The following CDC42BPG variants were observed in gnomAD, a reference collection of about 807,000 sequenced individuals.
CDC42BPG encodes serine/threonine-protein kinase MRCK gamma.
Under a neutral mutation model 192.2 loss-of-function variants are expected in CDC42BPG, and 157 were observed. The observed-to-expected ratio is 0.82, with a 90% confidence interval of 0.72 to 0.93. The LOEUF (loss-of-function observed/expected upper bound fraction) is 0.93. Among genes scored for constraint, CDC42BPG ranks in the 40% least tolerant of loss-of-function variants. The pLI is 0.00. For missense variants in CDC42BPG, 1,992 were observed against 2,122.1 expected (o/e 0.94, Z 1.20); for synonymous variants, 981 against 918.5 (o/e 1.07, Z -1.23).
Position 64,833,905 on chromosome 11 carries a change from C to T in CDC42BPG, c.2466+20G>A. Reference sequence around the variant, plus strand: ...TCTCCCAGAACTTCTCCCCAACAAGCCCCTTGGCCTGGTCCTTACCTCTGA... The same window carrying T: ...TCTCCCAGAACTTCTCCCCAACAAGTCCCTTGGCCTGGTCCTTACCTCTGA... On this transcript the variant is annotated intron_variant, in intron 21 of 36. Transcript: ENST00000342711. The T allele has an allele frequency of 1.2e-6, 2 of 1,614,228 alleles. No homozygotes were observed. The highest frequency in any genetic ancestry group is 1.7e-6 in the Non-Finnish European group (2 of 1,180,024).
Position 64,833,212 on chromosome 11 carries a change from A to G in CDC42BPG, c.2731+19T>C. On this transcript the variant is annotated intron_variant, in intron 24 of 36. Transcript: ENST00000342711. ...ACACCTGGGACCGTGGCTGGAGCAT[A>G]GTGGGTGGGGACTCTCACCATCACA... The G allele has an allele frequency of 6.6e-7, 1 of 1,521,284 alleles. No individual in the cohort carries two copies. Among genetic ancestry groups the G allele is most frequent in the Non-Finnish European group, 8.9e-7 (1 of 1,121,252 alleles). 94.2% of individuals were successfully genotyped at this position (1,521,284 alleles called of 1,614,324 possible).
intron 9 of CDC42BPG, among the ~76,000 whole-genome samples, 180 bp from the exon 10 acceptor site, chr11:64,837,199 C>T (rs551071814): frequency 3.3e-5 from 5 of 152,342 alleles, no homozygotes; most frequent in East Asian, 1.9e-4. Flanking sequence ...GCACAGGCTC[C>T]GGGTCCAGGC....
chr11:64,829,807 C>A lies in CDC42BPG; in HGVS notation c.3631G>T (p.Gly1211Cys). 1 of 1,604,382 alleles carries A rather than the reference C, an allele frequency of 6.2e-7. No individual in the cohort carries two copies. Among genetic ancestry groups the A allele is most frequent in the Non-Finnish European group, 8.5e-7 (1 of 1,176,980 alleles). ...ATGCGGCGCTGCCAGGGCCCAGGGCCCGGGCCCAGCTGGTAGCAGAGCACC... is the reference window on the plus strand; with the variant it reads ...ATGCGGCGCTGCCAGGGCCCAGGGCACGGGCCCAGCTGGTAGCAGAGCACC... ...RQVLCYQLGPGPGPWQRRIRE... is the reference protein window; with the variant it reads ...RQVLCYQLGPCPGPWQRRIRE... Residue 1211 changes from glycine (G) to cysteine (C), a missense_variant, in exon 30 of 37, where the codon GGC (glycine) becomes TGC (cysteine). Gly to Cys is a radical substitution (Grantham distance 159). Coordinates refer to ENST00000342711, the MANE Select transcript of CDC42BPG (RefSeq NM_017525.3).
intron 9 of CDC42BPG, 45 bp downstream of exon 9, chr11:64,838,038 A>G (rs764166737): frequency 4.6e-6 from 7 of 1,511,800 alleles, no homozygotes; most frequent in Non-Finnish European, 6.3e-6. Context: ...CCTCCAGGTC[A>G]GGCAACCCCG....
rs565422619 is a variant in CDC42BPG, at chr11:64,841,181, G to A, written c.336+469C>T. The stretch of plus-strand genomic sequence containing the variant: ...AAAAAGTTTATTGTAGGCTGGGCAC[G>A]GTGGTTCACGCCTGTAATCCCAGCA... On this transcript the variant is annotated intron_variant, in intron 3 of 36. Transcript: ENST00000342711. Among the ~76,000 whole-genome samples, 219 of 151,254 alleles carry A rather than the reference G, an allele frequency of 1.4e-3. 1 individual carries two copies. Among genetic ancestry groups the A allele is most frequent in the East Asian group, 8.6e-3 (44 of 5,126 alleles).
rs1230528336 is a variant in CDC42BPG, at chr11:64,838,814, C to T, written c.965G>A (p.Arg322Gln). ...GTCATCCAGCCCACCACGGCCTAGCCGCTCTTCCTGGCGACACAGCAGCTG... is the reference window on the plus strand; with the variant it reads ...GTCATCCAGCCCACCACGGCCTAGCTGCTCTTCCTGGCGACACAGCAGCTG... ...IRQLLCRQEE[R>Q]LGRGGLDDFR... The change falls in exon 8 of 37, where the codon CGG (arginine) becomes CAG (glutamine). Residue 322 changes from arginine (R) to glutamine (Q), a missense_variant. Around this residue, in one of 2 missense-constraint regions of CDC42BPG, gnomAD observed 1,656 missense variants for 1,844.3 expected, o/e 0.90. Coordinates refer to ENST00000342711, the MANE Select transcript of CDC42BPG (RefSeq NM_017525.3). The T allele has an allele frequency of 6.8e-6, 11 of 1,612,694 alleles. No individual in the cohort carries two copies. The highest frequency in any genetic ancestry group is 4.0e-5 in the African/African-American group (3 of 74,892).
chr11:64,826,010 C>T (rs1337056034), intron 36 of CDC42BPG, among the ~76,000 whole-genome samples: 1 of 146,566 alleles, frequency 6.8e-6, no homozygotes, highest in African/African-American at 2.5e-5. Context: ...GGGGGTTGCA[C>T]TGACCGAGAT....
chr11:64,824,103 C>T lies in CDC42BPG; in HGVS notation c.*370G>A, dbSNP rs1451222699. 3.0e-6 allele frequency: 1 copy of T among 329,582 alleles called. No individual in the cohort carries two copies. Among genetic ancestry groups the T allele is most frequent in the East Asian group, 8.7e-5 (1 of 11,506 alleles). The allele number at this position is 329,582 out of a possible 1,614,324, so 20.4% of individuals were successfully genotyped here. A position where few individuals can be genotyped will look rare whatever the true frequency, so the allele number is the denominator to read the frequency against. On this transcript the variant is annotated 3_prime_UTR_variant, in exon 37 of 37. Transcript: ENST00000342711. ...TCAGACAGTCCACAGATAAGACCTC[C>T]AACCTGTTCCCAGAGACCCAGTCCC... is the stretch of plus-strand genomic sequence containing the variant.
intron 24 of CDC42BPG, 92 bp downstream of exon 24, chr11:64,833,139 G>A (rs1387993127): frequency 1.6e-6 from 2 of 1,251,584 alleles, no homozygotes; most frequent in Non-Finnish European, 2.3e-6. Context: ...ACCAGCAGGT[G>A]CCAGTGACCC....
chr11:64,827,051 G>A lies in CDC42BPG; in HGVS notation c.4388C>T (p.Pro1463Leu), dbSNP rs775608141. The change falls in exon 34 of 37, where the codon CCG (proline) becomes CTG (leucine). Residue 1463 changes from proline (P) to leucine (L), a missense_variant and splice_region_variant. Transcript: ENST00000342711. ...NGRPGARDKS[P>L]APEEKGRVAR... Reference sequence around the variant, plus strand: ...TGTGATTGGCTCCAGAGGACTAACCGGGGACTTGTCCCTGGCGCCGGGCCG... The same window carrying A: ...TGTGATTGGCTCCAGAGGACTAACCAGGGACTTGTCCCTGGCGCCGGGCCG... The A allele has an allele frequency of 3.8e-6, 6 of 1,596,620 alleles. No homozygotes were observed. Among genetic ancestry groups the A allele is most frequent in the Admixed American group, 3.3e-5 (2 of 59,946 alleles).
intron 9 of CDC42BPG, 87 bp downstream of exon 9, chr11:64,837,996 C>T: frequency 8.5e-7 from 1 of 1,169,750 alleles, no homozygotes; most frequent in Non-Finnish European, 1.2e-6. Context: ...TGCCCTCCTT[C>T]CCAGGGCCCC....
chr11:64,840,593 A>T lies in CDC42BPG; in HGVS notation c.392T>A (p.Val131Glu). Residue 131 changes from valine (V) to glutamate (E), a missense_variant, in exon 4 of 37, where the codon GTG becomes GAG. Around this residue, in one of 2 missense-constraint regions of CDC42BPG, gnomAD observed 1,656 missense variants for 1,844.3 expected, o/e 0.90. Transcript: ENST00000342711. ...TTGGAAGGCATAGTGCAGAGTGGTCACCCAACGGCTGTCCCCTTTCACGAG... is the reference window on the plus strand; with the variant it reads ...TTGGAAGGCATAGTGCAGAGTGGTCTCCCAACGGCTGTCCCCTTTCACGAG... ...DVLVKGDSRW[V>E]TTLHYAFQDE... The T allele has an allele frequency of 6.2e-7, 1 of 1,613,918 alleles. No homozygotes were observed. The highest frequency in any genetic ancestry group is 8.5e-7 in the Non-Finnish European group (1 of 1,180,008).
intron 9 of CDC42BPG, 133 bp from the exon 10 acceptor site, chr11:64,837,152 G>A: frequency 1.3e-6 from 1 of 755,116 alleles, no homozygotes. Flanking sequence ...ACCCCAGACT[G>A]GTGCCACGGG....
In CDC42BPG at chr11:64,827,172, G is replaced by A. The variant is rs1942464192; in HGVS notation, c.4272-5C>T. The A allele has an allele frequency of 5.6e-6, 9 of 1,613,740 alleles. No homozygotes were observed. The highest frequency in any genetic ancestry group is 7.6e-6 in the Non-Finnish European group (9 of 1,179,648). The stretch of plus-strand genomic sequence containing the variant: ...AAAGGGTCCTTCAGCATCTCCCTGT[G>A]GGCGGAGGTGTAAGTAGTGGGTGGC... On this transcript the variant is annotated splice_polypyrimidine_tract_variant and splice_region_variant and intron_variant, in intron 33 of 36. Transcript: ENST00000342711.
At chr11:64,844,315 G>T in intron 1 of CDC42BPG, 95 bp downstream of exon 1, 1 of 1,184,702 alleles carries the variant, frequency 8.4e-7, no homozygotes, top group Non-Finnish European at 1.1e-6. Context: ...GGAAGCCCGT[G>T]GGGGTGCGGG....
At chr11:64,825,806 C>T (rs780591243) in intron 36 of CDC42BPG, among the ~76,000 whole-genome samples, 1 of 152,156 alleles carries the variant, frequency 6.6e-6, no homozygotes, top group Non-Finnish European at 1.5e-5. Flanking sequence ...TGGCTCACAT[C>T]AGTAATCCCA....
At chr11:64,824,652 A>G in intron 36 of CDC42BPG, 123 bp from the exon 37 acceptor site, 1 of 647,682 alleles carries the variant, frequency 1.5e-6, no homozygotes, top group Non-Finnish European at 2.8e-6. Flanking sequence ...CCCTGGAGGA[A>G]GCCAGATGTG....
chr11:64,839,106 T>G lies in CDC42BPG; in HGVS notation c.803A>C (p.Glu268Ala). The G allele has an allele frequency of 6.2e-7, 1 of 1,613,550 alleles. No individual in the cohort carries two copies. The highest frequency in any genetic ancestry group is 8.5e-7 in the Non-Finnish European group (1 of 1,180,028). Residue 268 changes from glutamate (E) to alanine (A), a missense_variant, in exon 7 of 37, where the codon GAG (glutamate) becomes GCG (alanine). Around this residue, in one of 2 missense-constraint regions of CDC42BPG, gnomAD observed 1,656 missense variants for 1,844.3 expected, o/e 0.90. Coordinates refer to ENST00000342711, the MANE Select transcript of CDC42BPG (RefSeq NM_017525.3). ...GAAGGGCGTCTCCCCAAAGAGCAGC[T>G]CATAGGCGCAGACTCCAAGCGACCA... The part of the protein sequence containing the change: ...DWWSLGVCAY[E>A]LLFGETPFYA...
Position 64,842,029 on chromosome 11 carries a change from C to T in CDC42BPG, c.161-125G>A, listed in dbSNP as rs71541903. 4.6e-3 allele frequency: 3,379 copies of T among 733,328 alleles called. 11 individuals are homozygous for T. The highest frequency in any genetic ancestry group is 6.9e-3 in the Non-Finnish European group (2,957 of 427,234). 45.4% of individuals were successfully genotyped at this position (733,328 alleles called of 1,614,324 possible). A position where few individuals can be genotyped will look rare whatever the true frequency, so the allele number is the denominator to read the frequency against. On this transcript the variant is annotated intron_variant, in intron 1 of 36. Coordinates refer to ENST00000342711, the MANE Select transcript of CDC42BPG (RefSeq NM_017525.3). ...GCAGGGATGACCTCCCCAGGGACAG[C>T]CTCGGGCCAAGGGGTTGTGGCAGGA...
Sources: allele counts gnomAD v4.1 joint callset (sites outside exome capture counted in the v4.1 genomes callset), GRCh38; gene constraint gnomAD v4.1.1; regional missense constraint gnomAD v4.1.1; transcripts MANE v1.5; gene names NCBI Gene and HGNC (gene_info 2026-07-23, HGNC 2026-07-21).